The following RUNX1 variants were observed in gnomAD, a reference collection of about 807,000 sequenced individuals.
The protein encoded by RUNX1 is RUNX family transcription factor 1, also known as runt-related transcription factor 1.
In RUNX1, 19 loss-of-function variants were observed where a neutral mutation model predicts 42.8. That is an observed-to-expected ratio of 0.44 (90% CI 0.31 to 0.65). RUNX1 has a LOEUF of 0.65. RUNX1 is among the 30% of genes least tolerant of loss of function. The pLI is 0.07. For missense variants in RUNX1, 528 were observed against 672.0 expected, an observed-to-expected ratio of 0.79 and a Z score of 2.37; for synonymous variants, 271 against 289.4, an observed-to-expected ratio of 0.94 and a Z score of 0.64.
chr21:34,792,171 G>A lies in RUNX1; in HGVS notation c.1407C>T (p.Ser469=), dbSNP rs1001293281. The A allele has an allele frequency of 2.6e-6, 4 of 1,524,518 alleles. No individual in the cohort carries two copies. The highest frequency in any genetic ancestry group is 4.0e-5 in the Admixed American group (2 of 50,286). 94.4% of individuals were successfully genotyped at this position (1,524,518 alleles called of 1,614,324 possible). A position where few individuals can be genotyped will look rare whatever the true frequency, so the allele number is the denominator to read the frequency against. Residue 469 remains serine, a synonymous_variant, in exon 9 of 9, where the codon TCC becomes TCT. Coordinates refer to ENST00000675419, the MANE Select transcript of RUNX1 (RefSeq NM_001754.5). This position sits in a 1 kb window ranked among gnomAD's most constrained non-coding sequence, Gnocchi z 6.9. ...HSNSPTNMAP[S]ARLEEAVWRP... ...TCCACACGGCCTCCTCCAGGCGCGC[G>A]GAGGGCGCCATGTTGGTGGGGGAGT...
intron 2 of RUNX1, among the ~76,000 whole-genome samples, chr21:34,949,971 C>T (rs1400127866): frequency 3.3e-5 from 5 of 152,190 alleles, no homozygotes; most frequent in African/African-American, 9.7e-5. Flanking sequence ...AACAGAATCA[C>T]GGCTGAACTG....
intron 7 of RUNX1, among the ~76,000 whole-genome samples, chr21:34,810,493 G>A (rs1263940246): frequency 6.6e-6 from 1 of 152,174 alleles, no homozygotes; most frequent in Non-Finnish European, 1.5e-5. Flanking sequence ...TTCAGGATTT[G>A]GGAACCTCAT....
intron 7 of RUNX1, among the ~76,000 whole-genome samples, chr21:34,822,115 G>A (rs1011057013): frequency 1.1e-4 from 16 of 152,160 alleles, no homozygotes; most frequent in South Asian, 4.1e-4. Context: ...ATTAATTCAC[G>A]GGAACTGCAG....
intron 7 of RUNX1, among the ~76,000 whole-genome samples, chr21:34,826,428 TTC>T (rs942722491): frequency 6.2e-5 from 7 of 112,898 alleles, no homozygotes; most frequent in African/African-American, 1.9e-4. Flanking sequence ...TTTGTTTTCT[TTC>T]TTTCTTTTTT....
intron 2 of RUNX1, among the ~76,000 whole-genome samples, chr21:34,932,948 G>A (rs561899070): frequency 2.0e-5 from 3 of 152,242 alleles, no homozygotes; most frequent in East Asian, 3.9e-4. Context: ...TATTGCATGT[G>A]CATCCTCTTT....
chr21:34,936,897 G>A (rs932117594), intron 2 of RUNX1, among the ~76,000 whole-genome samples: 1 of 152,044 alleles, frequency 6.6e-6, no homozygotes, highest in Non-Finnish European at 1.5e-5. Flanking sequence ...ATTTATGGTG[G>A]TTTAGTGGGA....
chr21:34,862,401 T>G (rs981205386), intron 5 of RUNX1, among the ~76,000 whole-genome samples: 3 of 152,210 alleles, frequency 2.0e-5, no homozygotes, highest in Non-Finnish European at 4.4e-5. Flanking sequence ...AATACTGTAT[T>G]TGTTTCCTGG....
rs76330808 is a variant in RUNX1, at chr21:34,907,519, A to C, written c.59-14556T>G. On this transcript the variant is annotated intron_variant, in intron 2 of 8. Transcript: ENST00000675419. This position sits in a 1 kb window ranked among gnomAD's most constrained non-coding sequence, Gnocchi z 5.3. The stretch of plus-strand genomic sequence containing the variant: ...TATTTACTTCTTACTGTTTCTTGCT[A>C]TTCAAAAAGTTTGCAAGCCTCTAGC... Among the ~76,000 whole-genome samples, 1,308 of 152,186 alleles carry C rather than the reference A, an allele frequency of 8.6e-3. 21 individuals are homozygous for C. Among genetic ancestry groups the C allele is most frequent in the African/African-American group, 0.031 (1,268 of 41,516 alleles).
At chr21:34,889,781 T>A in intron 3 of RUNX1, 5 of 1,142,728 alleles carry the variant, frequency 4.4e-6, no homozygotes, top group South Asian at 2.4e-5. Flanking sequence ...CGGCGTGCGC[T>A]GCCAACTCCG....
intron 2 of RUNX1, among the ~76,000 whole-genome samples, chr21:35,000,600 T>C (rs888925162): frequency 1.3e-5 from 2 of 152,202 alleles, no homozygotes; most frequent in African/African-American, 4.8e-5. Flanking sequence ...ATGTTTACCA[T>C]ACACGACTGT....
intron 2 of RUNX1, among the ~76,000 whole-genome samples, chr21:34,959,665 G>C (rs1353554763): frequency 6.6e-6 from 1 of 152,176 alleles, no homozygotes; most frequent in African/African-American, 2.4e-5. Context: ...CATCCGGGTT[G>C]GGATGAGTGG....
intron 6 of RUNX1, among the ~76,000 whole-genome samples, chr21:34,849,392 A>G (rs1186450399): frequency 2.0e-5 from 1 of 50,280 alleles, no homozygotes; most frequent in Non-Finnish European, 3.5e-5. Flanking sequence ...TAGTATATAT[A>G]ATATATTATA....
Position 34,843,360 on chromosome 21 carries a change from G to A in RUNX1, c.614-8759C>T, listed in dbSNP as rs114758675. Reference sequence around the variant, plus strand: ...CCAGGACAGACACATATATACAGACGCACACACACATATACATATATCACA... The same window carrying A: ...CCAGGACAGACACATATATACAGACACACACACACATATACATATATCACA... On this transcript the variant is annotated intron_variant, in intron 6 of 8. Coordinates refer to ENST00000675419, the MANE Select transcript of RUNX1 (RefSeq NM_001754.5). The surrounding 1 kb of genome is among the most constrained non-coding windows in gnomAD (Gnocchi z 4.8). 0.029 allele frequency among the ~76,000 whole-genome samples: 4,335 copies of A among 151,512 alleles called. 74 individuals carry two copies. The highest frequency in any genetic ancestry group is 0.045 in the African/African-American group (1,845 of 41,266).
chr21:34,834,752 T>C (rs1381774238), intron 6 of RUNX1, 151 bp from the exon 7 acceptor site: 9 of 724,050 alleles, frequency 1.2e-5, no homozygotes, highest in Non-Finnish European at 2.1e-5. Context: ...GCTAGAGATA[T>C]GCCAGCTGAA....
chr21:34,993,138 G>A (rs1010611705), intron 2 of RUNX1, among the ~76,000 whole-genome samples: 20 of 152,184 alleles, frequency 1.3e-4, no homozygotes, highest in Admixed American at 5.9e-4. Flanking sequence ...CTACTTCTAG[G>A]GTGACTGCTT....
intron 6 of RUNX1, among the ~76,000 whole-genome samples, chr21:34,846,904 A>T (rs1374951998): frequency 6.6e-6 from 1 of 152,164 alleles, no homozygotes; most frequent in Non-Finnish European, 1.5e-5. Context: ...GCCTTGGAAG[A>T]TTCTCACCTC....
intron 2 of RUNX1, among the ~76,000 whole-genome samples, chr21:34,902,088 CCTGTTCCTCATGTCCCA>C (rs2058181931): frequency 6.6e-6 from 1 of 152,188 alleles, no homozygotes; most frequent in Non-Finnish European, 1.5e-5. Flanking sequence ...AAGCAGGGGT[CCTGTTCCTCATGTCCCA>C]CATGCTATCC....
intron 4 of RUNX1, 140 bp from the exon 5 acceptor site, chr21:34,880,853 C>T (rs531797951): frequency 4.2e-6 from 3 of 711,608 alleles, no homozygotes; most frequent in East Asian, 5.3e-5. Flanking sequence ...GCAATGATAA[C>T]TTAAGCAAAA....
chr21:34,935,978 A>T (rs2058481666), intron 2 of RUNX1, among the ~76,000 whole-genome samples: 1 of 152,214 alleles, frequency 6.6e-6, no homozygotes. Context: ...GTTTATACAT[A>T]GCACACGGCT....
Sources: gnomAD v4.1 joint callset for allele counts (sites outside exome capture counted in the v4.1 genomes callset) on GRCh38, gnomAD v4.1.1 for gene constraint, Gnocchi (gnomAD v3.1) non-coding constraint, MANE v1.5 for transcripts, NCBI Gene and HGNC (gene_info 2026-07-23, HGNC 2026-07-21) for gene names.